TSPAN9: variants seen among roughly 807,000 people sequenced by gnomAD.
TSPAN9 encodes tetraspanin-9.
TSPAN9 carries 16 observed loss-of-function variants against 31.0 expected under a neutral mutation model. The observed-to-expected ratio is 0.52, with a 90% CI of 0.35 to 0.78. The LOEUF is 0.78. Ranked by LOEUF, TSPAN9 falls within the 30% of genes least tolerant of loss-of-function variation. The probability of loss-of-function intolerance (pLI) is 0.01; values close to 1 mark genes in which losing one functional copy is unlikely to be tolerated. For synonymous variants in TSPAN9, 145 were observed against 121.6 expected, an observed-to-expected ratio of 1.19 and a Z score of -1.27; for missense variants, 272 against 312.5, an observed-to-expected ratio of 0.87 and a Z score of 0.98.
intron 2 of TSPAN9, among the ~76,000 whole-genome samples, chr12:3,098,461 T>C (rs1248626188): frequency 6.6e-6 from 1 of 152,114 alleles, no homozygotes; most frequent in Non-Finnish European, 1.5e-5. Context: ...TGCCTTTAGG[T>C]TCAGAAAATC....
In TSPAN9 at chr12:3,107,390, G is replaced by A. The variant is rs143397034; in HGVS notation, c.-18+23671G>A. On this transcript the variant is annotated intron_variant, in intron 2 of 8. Transcript: ENST00000011898. This position sits in a 1 kb window ranked among gnomAD's most constrained non-coding sequence, Gnocchi z 4.1. Reference sequence around the variant, plus strand: ...CCTGGAGGCTGAGATGAGATCCCCAGCCTGTTTGGCTGCCTGATGGGTTGA... The same window carrying A: ...CCTGGAGGCTGAGATGAGATCCCCAACCTGTTTGGCTGCCTGATGGGTTGA... Among the ~76,000 whole-genome samples, 19 of 152,334 alleles carry A rather than the reference G, an allele frequency of 1.2e-4. No homozygotes were observed. The highest frequency in any genetic ancestry group is 3.3e-4 in the Admixed American group (5 of 15,310).
intron 3 of TSPAN9, among the ~76,000 whole-genome samples, chr12:3,208,682 A>T (rs1244064048): frequency 1.3e-5 from 2 of 152,196 alleles, no homozygotes; most frequent in Non-Finnish European, 2.9e-5. Context: ...CAGTTGTAAA[A>T]TACATCATAT....
intron 2 of TSPAN9, among the ~76,000 whole-genome samples, chr12:3,182,829 T>C (rs1377804293): frequency 1.3e-5 from 2 of 152,098 alleles, no homozygotes; most frequent in East Asian, 3.9e-4. Context: ...GAGCCTAGAA[T>C]TGGGGCAGGC....
chr12:3,202,807 C>G (rs143535414), intron 3 of TSPAN9, among the ~76,000 whole-genome samples: 1 of 152,290 alleles, frequency 6.6e-6, no homozygotes, highest in Non-Finnish European at 1.5e-5. Context: ...AGGAAGTTAC[C>G]TGTCATGTGC....
intron 3 of TSPAN9, among the ~76,000 whole-genome samples, chr12:3,223,077 A>G (rs1317240864): frequency 6.6e-6 from 1 of 152,192 alleles, no homozygotes; most frequent in African/African-American, 2.4e-5. Flanking sequence ...CCCCATTAGC[A>G]TGCATCAGTG....
chr12:3,140,276 C>A (rs929287318), intron 2 of TSPAN9, among the ~76,000 whole-genome samples: 3 of 151,984 alleles, frequency 2.0e-5, no homozygotes, highest in Non-Finnish European at 4.4e-5. Flanking sequence ...AGGGGAGTCT[C>A]GGAATTTGGT....
chr12:3,210,840 G>A (rs1484584798), intron 3 of TSPAN9, among the ~76,000 whole-genome samples: 1 of 151,128 alleles, frequency 6.6e-6, no homozygotes, highest in African/African-American at 2.4e-5. Flanking sequence ...GACTTCTCTA[G>A]GCTCAAGTGA....
chr12:3,231,360 C>T (rs2098390676), intron 3 of TSPAN9, among the ~76,000 whole-genome samples: 1 of 152,156 alleles, frequency 6.6e-6, no homozygotes, highest in Admixed American at 6.5e-5. Flanking sequence ...AAATTCTGGT[C>T]CTGCTGTCAC....
intron 3 of TSPAN9, among the ~76,000 whole-genome samples, chr12:3,218,078 C>T (rs904159216): frequency 2.6e-5 from 4 of 152,130 alleles, no homozygotes; most frequent in Non-Finnish European, 4.4e-5. Flanking sequence ...CATAGCCATG[C>T]TCCTTGGCAG....
chr12:3,236,776 C>T (rs1253845923), intron 3 of TSPAN9, among the ~76,000 whole-genome samples: 2 of 152,142 alleles, frequency 1.3e-5, no homozygotes, highest in African/African-American at 4.8e-5. Context: ...TCTCCAGGTT[C>T]AGCAGGAGGG....
intron 2 of TSPAN9, among the ~76,000 whole-genome samples, chr12:3,194,832 A>G (rs571244367): frequency 1.1e-4 from 16 of 152,228 alleles, no homozygotes; most frequent in Non-Finnish European, 7.4e-5. Context: ...GTAACACCCA[A>G]TCTCCTAGCC....
At chr12:3,267,869 C>T (rs1337098332) in intron 3 of TSPAN9, among the ~76,000 whole-genome samples, 3 of 152,220 alleles carry the variant, frequency 2.0e-5, no homozygotes, top group Non-Finnish European at 4.4e-5. Context: ...GACCATCCCC[C>T]ACTCCTGCCC....
intron 3 of TSPAN9, among the ~76,000 whole-genome samples, chr12:3,239,679 CA>C (rs1343260862): frequency 6.6e-6 from 1 of 152,190 alleles, no homozygotes; most frequent in African/African-American, 2.4e-5. Flanking sequence ...TAGGTCAGCA[CA>C]GACAGTGGCA....
intron 2 of TSPAN9, among the ~76,000 whole-genome samples, chr12:3,095,543 G>A (rs1279512217): frequency 7.1e-5 from 9 of 126,206 alleles, no homozygotes; most frequent in Admixed American, 5.2e-4. Flanking sequence ...GGCTGGCCGG[G>A]CAGAGGGGCT....
At chr12:3,136,815 T>C (rs2098332362) in intron 2 of TSPAN9, among the ~76,000 whole-genome samples, 1 of 152,098 alleles carries the variant, frequency 6.6e-6, no homozygotes, top group African/African-American at 2.4e-5. Flanking sequence ...GCTCCCGCCA[T>C]AGTGTACCCC....
intron 2 of TSPAN9, among the ~76,000 whole-genome samples, chr12:3,179,575 C>T (rs964795874): frequency 6.6e-6 from 1 of 152,130 alleles, no homozygotes; most frequent in Non-Finnish European, 1.5e-5. Context: ...GAATTTGTAA[C>T]GGGTAAGATA....
At chr12:3,253,013 C>T (rs916241383) in intron 3 of TSPAN9, among the ~76,000 whole-genome samples, 19 of 152,206 alleles carry the variant, frequency 1.2e-4, no homozygotes, top group Admixed American at 2.0e-4. Flanking sequence ...GTGGCGTGTC[C>T]GAGTGAGCCA....
chr12:3,105,748 T>TCG (rs1253323256), intron 2 of TSPAN9, among the ~76,000 whole-genome samples: 8 of 105,790 alleles, frequency 7.6e-5, no homozygotes, highest in African/African-American at 1.1e-4. Context: ...ACACACACAC[T>TCG]CACACACACG....
At chr12:3,098,408 G>A (rs1369699258) in intron 2 of TSPAN9, among the ~76,000 whole-genome samples, 5 of 152,156 alleles carry the variant, frequency 3.3e-5, no homozygotes, top group African/African-American at 7.2e-5. Context: ...CCCAGACCTC[G>A]CTTCTGTTCT....
Sources: allele counts gnomAD v4.1 joint callset (sites outside exome capture counted in the v4.1 genomes callset), GRCh38; gene constraint gnomAD v4.1.1; non-coding constraint Gnocchi (gnomAD v3.1); transcripts MANE v1.5; gene names NCBI Gene and HGNC (gene_info 2026-07-23, HGNC 2026-07-21).